MPPED2: variants seen among roughly 807,000 people sequenced by gnomAD.
MPPED2 encodes metallophosphoesterase MPPED2.
A neutral mutation model predicts 33.0 loss-of-function variants in MPPED2; 5 were observed. The observed-to-expected ratio is 0.15, with a 90% CI of 0.08 to 0.32. MPPED2 has a LOEUF of 0.32. Ranked by LOEUF, MPPED2 falls within the 10% of genes least tolerant of loss-of-function variation. MPPED2 has a pLI of 1.00. For synonymous variants in MPPED2, 136 were observed against 141.9 expected, an observed-to-expected ratio of 0.96 and a Z score of 0.29; for missense variants, 275 against 372.1, an observed-to-expected ratio of 0.74 and a Z score of 2.15.
intron 4 of MPPED2, among the ~76,000 whole-genome samples, chr11:30,437,740 G>A (rs964717531): frequency 5.9e-5 from 9 of 152,074 alleles, no homozygotes; most frequent in Non-Finnish European, 1.3e-4. Context: ...GGAAAATCAA[G>A]AGCAGTAAAA....
At chr11:30,575,939 A>T (rs944653499) in intron 2 of MPPED2, among the ~76,000 whole-genome samples, 1 of 152,214 alleles carries the variant, frequency 6.6e-6, no homozygotes, top group Admixed American at 6.5e-5. Flanking sequence ...TCCATGAGGA[A>T]GAAAGGACAA....
intron 3 of MPPED2, among the ~76,000 whole-genome samples, chr11:30,533,952 C>T (rs1221286545): frequency 6.6e-6 from 1 of 152,162 alleles, no homozygotes; most frequent in Non-Finnish European, 1.5e-5. Context: ...TCTTTTTACC[C>T]TTTAAATATA....
At position 30,553,966 on chromosome 11, in the gene MPPED2, C is replaced by A. The variant is rs143420555; in HGVS notation, c.129-17791G>T. Among the ~76,000 whole-genome samples the A allele has an allele frequency of 3.0e-4, 46 of 152,298 alleles. No individual in the cohort carries two copies. In the East Asian group the frequency reaches 6.2e-3, roughly 20 times the overall value. On this transcript the variant is annotated intron_variant, in intron 2 of 6. Transcript: ENST00000358117. ...AGGTCAAGGACCTAGAGATTAAGAACCTAGGACTATTGCTTCTTTTTGTTA... is the reference window on the plus strand; with the variant it reads ...AGGTCAAGGACCTAGAGATTAAGAAACTAGGACTATTGCTTCTTTTTGTTA...
intron 4 of MPPED2, among the ~76,000 whole-genome samples, chr11:30,460,147 C>G (rs539555823): frequency 2.6e-5 from 4 of 152,212 alleles, no homozygotes; most frequent in Admixed American, 1.3e-4. Flanking sequence ...ATAGCATTTT[C>G]TGTTTAAATC....
rs531568744 is a variant in MPPED2 at position 30,434,122 on chromosome 11, A to G, written c.537-16489T>C. 4.6e-5 allele frequency among the ~76,000 whole-genome samples: 7 copies of G among 152,250 alleles called. No homozygotes were observed. In the South Asian group the frequency reaches 1.5e-3, roughly 32 times the overall value. The stretch of plus-strand genomic sequence containing the variant: ...TCCACTAATCCAAGATAATCTTCCC[A>G]TCTCATGACCCTTAATTTAATCACA... On this transcript the variant is annotated intron_variant, in intron 4 of 6. Coordinates refer to ENST00000358117, the MANE Select transcript of MPPED2 (RefSeq NM_001584.3).
At chr11:30,453,228 T>G (rs1950139726) in intron 4 of MPPED2, among the ~76,000 whole-genome samples, 1 of 152,186 alleles carries the variant, frequency 6.6e-6, no homozygotes, top group African/African-American at 2.4e-5. Context: ...TACACTGTTA[T>G]GTCAAATTGA....
At chr11:30,465,730 G>C (rs2134025970) in intron 4 of MPPED2, among the ~76,000 whole-genome samples, 1 of 152,312 alleles carries the variant, frequency 6.6e-6, no homozygotes, top group South Asian at 2.1e-4. Flanking sequence ...GTTGACCCTT[G>C]AACAACACAG....
chr11:30,553,932 G>A lies in MPPED2; in HGVS notation c.129-17757C>T, dbSNP rs112663695. On this transcript the variant is annotated intron_variant, in intron 2 of 6. Transcript: ENST00000358117. The stretch of plus-strand genomic sequence containing the variant: ...TGACAATTTATGAGTGTAAATAATC[G>A]TAAGCATAAGGTCAAGGACCTAGAG... Among the ~76,000 whole-genome samples, 262 of 152,264 alleles carry A rather than the reference G, an allele frequency of 1.7e-3. 3 individuals are homozygous for A. Among genetic ancestry groups the A allele is most frequent in the African/African-American group, 5.8e-3 (243 of 41,548 alleles).
rs1950170313 is a variant in MPPED2 at position 30,453,928 on chromosome 11, C to T, written c.537-36295G>A. On this transcript the variant is annotated intron_variant, in intron 4 of 6. Coordinates refer to ENST00000358117, the MANE Select transcript of MPPED2 (RefSeq NM_001584.3). ...GCAGCAGCAGGTATGAACAAGGAGG[C>T]TTTGAGGGCTCCAGGTGTGGCTGTG... is the stretch of plus-strand genomic sequence containing the variant. Among the ~76,000 whole-genome samples, 3 of 152,262 alleles carry T rather than the reference C, an allele frequency of 2.0e-5. No homozygotes were observed. The South Asian group carries it at 6.2e-4, about 32-fold the overall frequency.
downstream of MPPED2, among the ~76,000 whole-genome samples, chr11:30,408,521 A>G (rs553984650): frequency 2.0e-3 from 300 of 152,286 alleles, no homozygotes; most frequent in African/African-American, 6.9e-3. Flanking sequence ...CATGTTGGTC[A>G]GGATGGTCTC....
intron 3 of MPPED2, among the ~76,000 whole-genome samples, chr11:30,507,448 C>A (rs1386240974): frequency 6.6e-6 from 1 of 152,244 alleles, no homozygotes; most frequent in East Asian, 1.9e-4. Flanking sequence ...TAATAATATC[C>A]ACGCTGGACA....
At chr11:30,529,378 T>C (rs1954383904) in intron 3 of MPPED2, among the ~76,000 whole-genome samples, 1 of 152,238 alleles carries the variant, frequency 6.6e-6, no homozygotes, top group Non-Finnish European at 1.5e-5. Flanking sequence ...ATGTTATGTG[T>C]ATCTTACAAT....
At chr11:30,530,865 C>T (rs866635088) in intron 3 of MPPED2, among the ~76,000 whole-genome samples, 6 of 152,302 alleles carry the variant, frequency 3.9e-5, no homozygotes, top group African/African-American at 7.2e-5. Context: ...ACAGGGCCAA[C>T]GTGCAGGAAG....
At position 30,494,760 on chromosome 11, in the gene MPPED2, AG is replaced by A. The variant is rs371913689; in HGVS notation, c.536+535del. On this transcript the variant is annotated intron_variant, in intron 4 of 6. Transcript: ENST00000358117. ...CTCAAAAAAAAAAAAAAAAAAAAAA[AG>A]AAAGAAAGAAAGAAAGAAAAGAGAA... is the stretch of plus-strand genomic sequence containing the variant. 7.9e-3 allele frequency among the ~76,000 whole-genome samples: 1,005 copies of A among 127,682 alleles called. 19 individuals carry two copies. The highest frequency in any genetic ancestry group is 0.029 in the African/African-American group (952 of 32,358). 83.8% of individuals were successfully genotyped at this position (127,682 alleles called of 152,430 possible).
At chr11:30,481,844 A>G (rs1951502888) in intron 4 of MPPED2, among the ~76,000 whole-genome samples, 1 of 152,164 alleles carries the variant, frequency 6.6e-6, no homozygotes, top group South Asian at 2.1e-4. Context: ...TTTTCAGCTG[A>G]ATAAATGCAG....
intron 4 of MPPED2, among the ~76,000 whole-genome samples, chr11:30,453,693 AT>A (rs1463662502): frequency 6.6e-6 from 1 of 152,192 alleles, no homozygotes; most frequent in African/African-American, 2.4e-5. Context: ...TGATTTCAAA[AT>A]GGTAGATCTC....
downstream of MPPED2, among the ~76,000 whole-genome samples, chr11:30,409,270 A>C (rs1948036401): frequency 6.6e-6 from 1 of 152,050 alleles, no homozygotes; most frequent in Non-Finnish European, 1.5e-5. Context: ...CCAACCCCCT[A>C]GGATGGGGCT....
At chr11:30,483,946 GTT>G in intron 4 of MPPED2, among the ~76,000 whole-genome samples, 1 of 152,276 alleles carries the variant, frequency 6.6e-6, no homozygotes, top group East Asian at 1.9e-4. Context: ...GAGGCACGTA[GTT>G]CTATATGCAA....
At chr11:30,416,682 G>GA (rs547757434) in intron 5 of MPPED2, among the ~76,000 whole-genome samples, 7 of 152,034 alleles carry the variant, frequency 4.6e-5, no homozygotes, top group Non-Finnish European at 8.8e-5. Flanking sequence ...TAAAAAGAAA[G>GA]AAAAAATCGA....
Sources: gnomAD v4.1 joint callset for allele counts (sites outside exome capture counted in the v4.1 genomes callset) on GRCh38, gnomAD v4.1.1 for gene constraint, MANE v1.5 for transcripts, NCBI Gene and HGNC (gene_info 2026-07-23, HGNC 2026-07-21) for gene names.